RALYL: variants seen among roughly 807,000 people sequenced by gnomAD.
The protein encoded by RALYL is RALY RNA binding protein like, also known as RNA-binding Raly-like protein.
A neutral mutation model predicts 35.1 loss-of-function variants in RALYL; 29 were observed. That is an observed-to-expected ratio of 0.83 (90% CI 0.61 to 1.13). The LOEUF is 1.13. Ranked by LOEUF, RALYL falls within the 50% of genes most tolerant of loss-of-function variation. The pLI, the probability that RALYL is intolerant of heterozygous loss-of-function variation, is 0.00. For synonymous variants in RALYL, 120 were observed against 127.6 expected, an observed-to-expected ratio of 0.94 and a Z score of 0.40; for missense variants, 359 against 360.4, an observed-to-expected ratio of 1.00 and a Z score of 0.03.
intron 1 of RALYL, among the ~76,000 whole-genome samples, chr8:84,194,953 A>G (rs1814849190): frequency 6.6e-6 from 1 of 152,116 alleles, no homozygotes; most frequent in Non-Finnish European, 1.5e-5. Context: ...AACAGATGGA[A>G]AAAAGGAGAT....
chr8:84,900,306 TAA>T (rs1183160399), intron 8 of RALYL, among the ~76,000 whole-genome samples: 2 of 152,168 alleles, frequency 1.3e-5, no homozygotes, highest in African/African-American at 4.8e-5. Context: ...TGGAGAAATC[TAA>T]AGTCTTAATT....
intron 1 of RALYL, among the ~76,000 whole-genome samples, chr8:84,340,654 A>G (rs530796085): frequency 6.6e-5 from 10 of 152,184 alleles, no homozygotes; most frequent in Admixed American, 2.6e-4. Flanking sequence ...TCACTATTCA[A>G]GTCACTATTT....
intron 2 of RALYL, among the ~76,000 whole-genome samples, chr8:84,752,623 T>A (rs1810349361): frequency 6.6e-6 from 1 of 152,214 alleles, no homozygotes; most frequent in African/African-American, 2.4e-5. Context: ...CAGGGCCCAG[T>A]TCCCCTGTGC....
intron 2 of RALYL, among the ~76,000 whole-genome samples, chr8:84,714,150 C>G (rs1842614938): frequency 6.6e-6 from 1 of 151,486 alleles, no homozygotes; most frequent in Non-Finnish European, 1.5e-5. Flanking sequence ...AAGCCAGGTA[C>G]AGAAAGATAA....
intron 1 of RALYL, among the ~76,000 whole-genome samples, chr8:84,288,069 G>A (rs973329075): frequency 1.3e-5 from 2 of 152,182 alleles, no homozygotes; most frequent in Non-Finnish European, 2.9e-5. Flanking sequence ...CTGAGTGTCA[G>A]GCTGGAAGTC....
chr8:84,709,756 C>G (rs1229021991), intron 2 of RALYL, among the ~76,000 whole-genome samples: 1 of 152,014 alleles, frequency 6.6e-6, no homozygotes, highest in African/African-American at 2.4e-5. Flanking sequence ...TATATTCTAC[C>G]CTTTATCAAG....
chr8:84,246,130 C>G (rs945838397), intron 1 of RALYL, among the ~76,000 whole-genome samples: 3 of 152,022 alleles, frequency 2.0e-5, no homozygotes, highest in Non-Finnish European at 4.4e-5. Flanking sequence ...ATGTGTACCC[C>G]CAAGAGGTAG....
chr8:84,262,858 C>G (rs1832573559), intron 1 of RALYL, among the ~76,000 whole-genome samples: 1 of 152,212 alleles, frequency 6.6e-6, no homozygotes, highest in Non-Finnish European at 1.5e-5. Flanking sequence ...TTTTGTTTCA[C>G]TTTTATACAT....
intron 4 of RALYL, among the ~76,000 whole-genome samples, chr8:84,836,737 A>C (rs1832103149): frequency 6.6e-6 from 1 of 152,196 alleles, no homozygotes; most frequent in Non-Finnish European, 1.5e-5. Context: ...TAGAAGAAGG[A>C]TCCTGTAGAT....
At chr8:84,577,931 G>A (rs1809857237) in intron 2 of RALYL, among the ~76,000 whole-genome samples, 1 of 152,158 alleles carries the variant, frequency 6.6e-6, no homozygotes, top group African/African-American at 2.4e-5. Flanking sequence ...TGTGACACTG[G>A]CATGGGAAAC....
At chr8:84,662,135 T>C (rs1310284501) in intron 2 of RALYL, among the ~76,000 whole-genome samples, 1 of 152,174 alleles carries the variant, frequency 6.6e-6, no homozygotes, top group East Asian at 1.9e-4. Flanking sequence ...TTTCTTTGCC[T>C]CTTAAATATG....
chr8:84,602,153 C>A (rs571399025), intron 2 of RALYL, among the ~76,000 whole-genome samples: 11 of 152,230 alleles, frequency 7.2e-5, no homozygotes, highest in African/African-American at 2.2e-4. Context: ...ACTTCCCAAG[C>A]TGTATTTCTA....
At chr8:84,617,846 A>G (rs1820187479) in intron 2 of RALYL, among the ~76,000 whole-genome samples, 4 of 151,840 alleles carry the variant, frequency 2.6e-5, no homozygotes. Context: ...ATCTATTGAG[A>G]TAATCATGTG....
chr8:84,671,949 T>C (rs1470034184), intron 2 of RALYL, among the ~76,000 whole-genome samples: 1 of 152,230 alleles, frequency 6.6e-6, no homozygotes, highest in Non-Finnish European at 1.5e-5. Context: ...TATTGCATTG[T>C]CAGGCTGCAA....
chr8:84,382,560 C>T (rs1361510332), intron 1 of RALYL, among the ~76,000 whole-genome samples: 2 of 151,564 alleles, frequency 1.3e-5, no homozygotes, highest in Non-Finnish European at 3.0e-5. Flanking sequence ...GTTCCTCAAG[C>T]TATTTTAAAT....
chr8:84,882,036 T>C (rs977979076), intron 7 of RALYL, among the ~76,000 whole-genome samples: 9 of 151,980 alleles, frequency 5.9e-5, no homozygotes, highest in African/African-American at 2.2e-4. Context: ...TGCAGTATAT[T>C]TCAAGGACTA....
At chr8:84,352,345 TAAAC>T (rs1378814972) in intron 1 of RALYL, among the ~76,000 whole-genome samples, 1 of 150,164 alleles carries the variant, frequency 6.7e-6, no homozygotes, top group Non-Finnish European at 1.5e-5. Context: ...TGGAAACTAA[TAAAC>T]AAGAGATATG....
intron 2 of RALYL, among the ~76,000 whole-genome samples, chr8:84,620,289 A>G (rs28816830): frequency 0.29 from 43,608 of 150,714 alleles, 6,712 homozygotes; most frequent in African/African-American, 0.44. Context: ...GGCTTTGCTC[A>G]TTTCTTTTTA....
At chr8:84,479,859 A>G (rs1316549784) in intron 1 of RALYL, among the ~76,000 whole-genome samples, 2 of 152,200 alleles carry the variant, frequency 1.3e-5, no homozygotes, top group Non-Finnish European at 2.9e-5. Context: ...TACAGAATTT[A>G]GAAACATTAA....
Sources: gnomAD v4.1 joint callset for allele counts (sites outside exome capture counted in the v4.1 genomes callset) on GRCh38, gnomAD v4.1.1 for gene constraint, MANE v1.5 for transcripts, NCBI Gene and HGNC (gene_info 2026-07-23, HGNC 2026-07-21) for gene names.